The following ENPP3 variants were observed in gnomAD, a reference collection of about 807,000 sequenced individuals.
ENPP3 encodes ectonucleotide pyrophosphatase/phosphodiesterase 3, also known as ectonucleotide pyrophosphatase/phosphodiesterase family member 3.
A neutral mutation model predicts 117.8 loss-of-function variants in ENPP3; 104 were observed. The ratio of observed to expected loss-of-function variants is 0.88; its 90% CI spans 0.75 to 1.04. ENPP3 has a LOEUF of 1.04. Ranked by LOEUF, ENPP3 falls within the 50% of genes least tolerant of loss-of-function variation. ENPP3 has a pLI of 0.00. For missense variants in ENPP3, 1,026 were observed against 1,051.9 expected (o/e 0.98, Z 0.34); for synonymous variants, 380 against 349.9 (o/e 1.09, Z -0.96).
chr6:131,687,584 G>A (rs1189876445), intron 14 of ENPP3, among the ~76,000 whole-genome samples: 4 of 152,054 alleles, frequency 2.6e-5, no homozygotes, highest in Admixed American at 2.6e-4. Context: ...AGAATGGGAG[G>A]AGATATTCAC....
chr6:131,678,013 T>C (rs1268053144), intron 11 of ENPP3, 73 bp downstream of exon 11: 2 of 882,962 alleles, frequency 2.3e-6, no homozygotes, highest in Admixed American at 2.1e-5. Context: ...AACAAGATAG[T>C]ATTCTTTAAC....
At chr6:131,658,510 C>T (rs560220750) in intron 6 of ENPP3, 90 bp downstream of exon 6, 6 of 725,748 alleles carry the variant, frequency 8.3e-6, no homozygotes, top group East Asian at 2.7e-5. Flanking sequence ...TGACTTTTAA[C>T]GCTGGTGGTT....
intron 20 of ENPP3, among the ~76,000 whole-genome samples, chr6:131,728,909 T>C (rs1416598692): frequency 1.3e-5 from 2 of 152,204 alleles, no homozygotes; most frequent in East Asian, 1.9e-4. Context: ...TATGCACTAG[T>C]GTTCCTGTTG....
In ENPP3 at chr6:131,671,347, G is replaced by T. The variant is rs1388966501; in HGVS notation, c.642+20G>T. The T allele has an allele frequency of 6.7e-7, 1 of 1,490,046 alleles. No homozygotes were observed. The highest frequency in any genetic ancestry group is 9.4e-7 in the Non-Finnish European group (1 of 1,069,032). The allele number at this position is 1,490,046 out of a possible 1,614,324, so 92.3% of individuals were successfully genotyped here. ...GTCACGGTAAGTGCTTGACCCAGTG[G>T]TAAGACAGGCCAAAGACCAGAACTG... On this transcript the variant is annotated intron_variant, in intron 7 of 24. Coordinates refer to ENST00000357639, the MANE Select transcript of ENPP3 (RefSeq NM_005021.5).
chr6:131,697,759 G>A (rs1585683481), intron 15 of ENPP3, among the ~76,000 whole-genome samples: 1 of 152,150 alleles, frequency 6.6e-6, no homozygotes, highest in Non-Finnish European at 1.5e-5. Flanking sequence ...AGGTGGTAAT[G>A]CTTACTGACC....
At chr6:131,666,642 C>G (rs2114360748) in intron 6 of ENPP3, among the ~76,000 whole-genome samples, 1 of 152,326 alleles carries the variant, frequency 6.6e-6, no homozygotes, top group South Asian at 2.1e-4. Context: ...GCATTGTTCT[C>G]ATCACCTCAA....
intron 6 of ENPP3, among the ~76,000 whole-genome samples, chr6:131,662,277 C>G (rs1778519219): frequency 1.3e-5 from 2 of 151,880 alleles, no homozygotes; most frequent in South Asian, 4.1e-4. Flanking sequence ...TAGGGTCTCA[C>G]TCTGTCACCC....
At chr6:131,680,560 G>A (rs1779002384) in intron 11 of ENPP3, among the ~76,000 whole-genome samples, 1 of 151,326 alleles carries the variant, frequency 6.6e-6, no homozygotes, top group African/African-American at 2.5e-5. Flanking sequence ...AGAAGGGTTA[G>A]GACCAACTGT....
intron 14 of ENPP3, among the ~76,000 whole-genome samples, chr6:131,688,226 G>T (rs138365805): frequency 1.0e-3 from 152 of 152,224 alleles, no homozygotes; most frequent in Non-Finnish European, 1.6e-3. Context: ...TATTACATGC[G>T]TGCTGATTGC....
chr6:131,657,901 C>T (rs1375224959), intron 5 of ENPP3, among the ~76,000 whole-genome samples: 1 of 152,120 alleles, frequency 6.6e-6, no homozygotes, highest in Non-Finnish European at 1.5e-5. Context: ...TGGTGACTCA[C>T]ACCTGTAATC....
At chr6:131,666,566 C>A (rs1778621124) in intron 6 of ENPP3, among the ~76,000 whole-genome samples, 2 of 152,000 alleles carry the variant, frequency 1.3e-5, no homozygotes, top group Non-Finnish European at 2.9e-5. Context: ...CTTTTTGCTC[C>A]TTTGCCTGAA....
At chr6:131,673,100 G>C (rs1232299413) in intron 7 of ENPP3, among the ~76,000 whole-genome samples, 4 of 152,132 alleles carry the variant, frequency 2.6e-5, no homozygotes, top group African/African-American at 9.7e-5. Flanking sequence ...TAATTAAACA[G>C]TTATTAAGCA....
intron 20 of ENPP3, among the ~76,000 whole-genome samples, chr6:131,727,892 A>C (rs972408459): frequency 6.6e-6 from 1 of 152,208 alleles, no homozygotes; most frequent in African/African-American, 2.4e-5. Context: ...ATGGAAAGGA[A>C]ATAATTGATT....
chr6:131,680,398 A>G (rs972888505), intron 11 of ENPP3, among the ~76,000 whole-genome samples: 11 of 152,128 alleles, frequency 7.2e-5, no homozygotes, highest in African/African-American at 2.2e-4. Flanking sequence ...TTGTTTTGCA[A>G]TTGAGGTGCC....
intron 3 of ENPP3, 151 bp downstream of exon 3, chr6:131,650,300 G>C: frequency 1.3e-6 from 1 of 764,724 alleles, no homozygotes; most frequent in South Asian, 1.7e-5. Flanking sequence ...GCCAACTCCA[G>C]ACTTGATCTC....
At chr6:131,724,480 C>T (rs1780108990) in intron 19 of ENPP3, among the ~76,000 whole-genome samples, 1 of 152,152 alleles carries the variant, frequency 6.6e-6, no homozygotes. Flanking sequence ...TAACCGTACT[C>T]ACCTCATGTA....
intron 11 of ENPP3, among the ~76,000 whole-genome samples, chr6:131,679,987 G>T (rs147585747): frequency 1.3e-5 from 2 of 152,172 alleles, no homozygotes; most frequent in Non-Finnish European, 2.9e-5. Context: ...ATCCTGCAGG[G>T]CCTTGCAGGT....
At chr6:131,726,260 C>T in intron 20 of ENPP3, 60 bp downstream of exon 20, 2 of 1,489,048 alleles carry the variant, frequency 1.3e-6, no homozygotes, top group South Asian at 1.2e-5. Context: ...CTTTCATATT[C>T]TAAGAGTTGA....
chr6:131,726,207 T>C lies in ENPP3; in HGVS notation c.1953+7T>C. On this transcript the variant is annotated splice_region_variant and intron_variant, in intron 20 of 24. Coordinates refer to ENST00000357639, the MANE Select transcript of ENPP3 (RefSeq NM_005021.5). The stretch of plus-strand genomic sequence containing the variant: ...ATACACAGTCCCCCAGTTGGTAAGT[T>C]CCTGAGTCCATTGATCCATGCAGGC... The C allele has an allele frequency of 1.2e-6, 2 of 1,612,404 alleles. No homozygotes were observed. Among genetic ancestry groups the C allele is most frequent in the South Asian group, 2.2e-5 (2 of 90,894 alleles).
Sources: gnomAD v4.1 joint callset for allele counts (sites outside exome capture counted in the v4.1 genomes callset) on GRCh38, gnomAD v4.1.1 for gene constraint, MANE v1.5 for transcripts, NCBI Gene and HGNC (gene_info 2026-07-23, HGNC 2026-07-21) for gene names.